The following TENM1 variants were observed in gnomAD, a reference collection of about 807,000 sequenced individuals.
The protein encoded by TENM1 is teneurin transmembrane protein 1, also known as teneurin-1.
Under a neutral mutation model 174.8 loss-of-function variants are expected in TENM1, and 35 were observed. The ratio of observed to expected loss-of-function variants is 0.20; its 90% confidence interval spans 0.15 to 0.27. The LOEUF is 0.27. TENM1 is among the 10% of genes least tolerant of loss of function. The probability of loss-of-function intolerance (pLI) is 1.00; values close to 1 mark genes in which losing one functional copy is unlikely to be tolerated. For missense variants in TENM1, 1,633 were observed against 2,130.1 expected (o/e 0.77, Z 4.59); for synonymous variants, 781 against 798.7 (o/e 0.98, Z 0.37).
intron 3 of TENM1, among the ~76,000 whole-genome samples, chrX:124,811,729 G>A (rs746846054): frequency 5.4e-5 from 6 of 111,648 alleles, no homozygotes; most frequent in Middle Eastern, 4.7e-3. Flanking sequence ...GTTCATTGCA[G>A]CACTATTCAC....
chrX:124,981,668 C>T, the TENM1 span, among the ~76,000 whole-genome samples: 1 of 111,143 alleles, frequency 9.0e-6, no homozygotes, highest in Non-Finnish European at 1.9e-5. Context: ...ACACTGAATG[C>T]AATATGTTTG....
At chrX:124,436,572 C>T (rs894628480) in intron 23 of TENM1, among the ~76,000 whole-genome samples, 11 of 109,587 alleles carry the variant, frequency 1.0e-4, no homozygotes, top group Non-Finnish European at 1.5e-4. Context: ...CAGCTCACTG[C>T]AAGCTCCGCT....
At chrX:125,115,315 T>C in the TENM1 span, among the ~76,000 whole-genome samples, 2 of 111,618 alleles carry the variant, frequency 1.8e-5, no homozygotes, top group African/African-American at 6.5e-5. Context: ...ATCATTCCCT[T>C]TGAAAACTGG....
chrX:124,592,874 T>C (rs1274910702), intron 11 of TENM1, among the ~76,000 whole-genome samples: 1 of 110,181 alleles, frequency 9.1e-6, no homozygotes. Context: ...TCTATAGTTC[T>C]ATGCACTTCT....
At chrX:124,759,856 TA>T (rs768782325) in intron 3 of TENM1, among the ~76,000 whole-genome samples, 1 of 112,121 alleles carries the variant, frequency 8.9e-6, no homozygotes, top group East Asian at 2.8e-4. Context: ...ACTGGGTGGC[TA>T]AAACAATAGA....
intron 3 of TENM1, among the ~76,000 whole-genome samples, chrX:124,890,904 C>T (rs1327237778): frequency 9.0e-6 from 1 of 111,724 alleles, no homozygotes; most frequent in African/African-American, 3.3e-5. Context: ...CCTAAATGTC[C>T]ATCAACAGAT....
chrX:124,745,462 C>A (rs932001480), intron 3 of TENM1, among the ~76,000 whole-genome samples: 1 of 111,376 alleles, frequency 9.0e-6, no homozygotes, highest in African/African-American at 3.3e-5. Flanking sequence ...TTGCGGTCAC[C>A]TGTTGCTATA....
chrX:124,632,532 C>T (rs1327257521), intron 11 of TENM1, among the ~76,000 whole-genome samples: 1 of 110,942 alleles, frequency 9.0e-6, no homozygotes, highest in African/African-American at 3.3e-5. Context: ...TCACTCTTTA[C>T]TGAAGAACTA....
the TENM1 span, among the ~76,000 whole-genome samples, chrX:125,158,221 G>A: frequency 9.2e-6 from 1 of 108,882 alleles, no homozygotes; most frequent in African/African-American, 3.3e-5. Context: ...TGGCCAACAT[G>A]GTGAAACCCC....
chrX:124,552,227 A>T (rs897659898), intron 14 of TENM1, among the ~76,000 whole-genome samples: 1 of 111,837 alleles, frequency 8.9e-6, no homozygotes, highest in African/African-American at 3.3e-5. Flanking sequence ...GACTCAGTAA[A>T]GCAAAGTCTT....
chrX:124,498,993 C>T (rs1391049424), intron 19 of TENM1, among the ~76,000 whole-genome samples: 2 of 111,266 alleles, frequency 1.8e-5, no homozygotes, highest in Non-Finnish European at 3.8e-5. Flanking sequence ...GCAGAAAATC[C>T]GAGGAACAAG....
rs182274323 is a variant in TENM1, at chrX:124,445,093, G to A, written c.4104+8244C>T. On this transcript the variant is annotated intron_variant, in intron 23 of 31. Coordinates refer to ENST00000422452, the Ensembl canonical transcript of TENM1. ...TACCTATCTTGAAGGATTGTCATGAGGATTAAATAAGATAACATATATAAA... is the reference window on the plus strand; with the variant it reads ...TACCTATCTTGAAGGATTGTCATGAAGATTAAATAAGATAACATATATAAA... 5.8e-3 allele frequency among the ~76,000 whole-genome samples: 644 copies of A among 111,733 alleles called. 4 individuals carry two copies. Among genetic ancestry groups the A allele is most frequent in the African/African-American group, 0.02 (614 of 30,777 alleles).
At chrX:124,877,320 C>T (rs1413464805) in intron 3 of TENM1, among the ~76,000 whole-genome samples, 1 of 112,062 alleles carries the variant, frequency 8.9e-6, no homozygotes, top group East Asian at 2.8e-4. Context: ...TTTTTGGCTG[C>T]AGTTGGTAAG....
intron 5 of TENM1, among the ~76,000 whole-genome samples, chrX:124,690,396 G>A: frequency 9.0e-6 from 1 of 111,411 alleles, no homozygotes; most frequent in African/African-American, 3.3e-5. Context: ...CTACTGAGGT[G>A]TTATTGCTTT....
At chrX:125,050,385 C>T in the TENM1 span, among the ~76,000 whole-genome samples, 2 of 108,643 alleles carry the variant, frequency 1.8e-5, no homozygotes, top group African/African-American at 3.4e-5. Context: ...CTGTTCAATT[C>T]CTACCTATGA....
chrX:125,059,943 C>G, the TENM1 span, among the ~76,000 whole-genome samples: 3 of 109,134 alleles, frequency 2.7e-5, no homozygotes, highest in Admixed American at 9.9e-5. Context: ...AGTAAAGCCA[C>G]TTACCTTCCA....
the TENM1 span, among the ~76,000 whole-genome samples, chrX:125,091,189 AC>A: frequency 9.0e-6 from 1 of 110,793 alleles, no homozygotes; most frequent in Admixed American, 9.6e-5. Context: ...TATTGGTAAA[AC>A]ACGCCTGTTA....
chrX:125,081,654 G>A, the TENM1 span, among the ~76,000 whole-genome samples: 4 of 110,775 alleles, frequency 3.6e-5, no homozygotes, highest in African/African-American at 1.3e-4. Flanking sequence ...CCCACTACTG[G>A]GTATCTACCC....
intron 6 of TENM1, among the ~76,000 whole-genome samples, chrX:124,655,539 T>C (rs2051419967): frequency 8.9e-6 from 1 of 112,051 alleles, no homozygotes; most frequent in Non-Finnish European, 1.9e-5. Flanking sequence ...AAAACACACA[T>C]GGTCTCTGTT....
Sources: allele counts gnomAD v4.1 joint callset (sites outside exome capture counted in the v4.1 genomes callset), GRCh38; gene constraint gnomAD v4.1.1; transcripts MANE v1.5; gene names NCBI Gene and HGNC (gene_info 2026-07-23, HGNC 2026-07-21).